Variants in BTLA observed in about 807,000 individuals in gnomAD.
BTLA encodes B and T lymphocyte associated.
BTLA carries 11 observed loss-of-function variants against 25.0 expected under a neutral mutation model. The ratio of observed to expected loss-of-function variants is 0.44; its 90% CI spans 0.28 to 0.73. BTLA has a LOEUF of 0.73. BTLA is among the 30% of genes least tolerant of loss of function. The pLI is 0.15. For synonymous variants in BTLA, 104 were observed against 119.8 expected, an observed-to-expected ratio of 0.87 and a Z score of 0.86; for missense variants, 282 against 332.8, an observed-to-expected ratio of 0.85 and a Z score of 1.19.
intron 1 of BTLA, among the ~76,000 whole-genome samples, chr3:112,486,377 TAATAA>T (rs1332631566): frequency 6.6e-6 from 1 of 152,184 alleles, no homozygotes; most frequent in Admixed American, 6.5e-5. Context: ...ATAAAACAAG[TAATAA>T]AATGGCCAGA....
intron 1 of BTLA, among the ~76,000 whole-genome samples, chr3:112,492,786 C>T (rs756581969): frequency 8.5e-5 from 13 of 152,158 alleles, no homozygotes; most frequent in Non-Finnish European, 1.0e-4. Flanking sequence ...AATCTCAATG[C>T]CCCAGCCTCC....
Position 112,479,561 on chromosome 3 carries a change from A to G in BTLA, c.297T>C (p.Ile99=). ...TAGGAAGCACTGGTTCAAAATGTAG[A>G]ATGAAAAATGAAATGTTCTTCTCTT... ...WKEEKNISFF[I]LHFEPVLPND... The change falls in exon 2 of 5, where the codon ATT becomes ATC. Residue 99 remains isoleucine, a synonymous_variant. Coordinates refer to ENST00000334529, the MANE Select transcript of BTLA (RefSeq NM_181780.4). 6.2e-7 allele frequency: 1 copy of G among 1,614,086 alleles called. No homozygotes were observed. Among genetic ancestry groups the G allele is most frequent in the Non-Finnish European group, 8.5e-7 (1 of 1,179,910 alleles).
At chr3:112,475,664 T>C (rs761969267) in intron 2 of BTLA, among the ~76,000 whole-genome samples, 9 of 152,212 alleles carry the variant, frequency 5.9e-5, no homozygotes, top group Admixed American at 2.0e-4. Flanking sequence ...CATCTGACCT[T>C]GGCTAAATTC....
At chr3:112,493,993 C>T (rs2082394459) in intron 1 of BTLA, among the ~76,000 whole-genome samples, 1 of 152,106 alleles carries the variant, frequency 6.6e-6, no homozygotes, top group Admixed American at 6.5e-5. Flanking sequence ...GCCTGTAGTC[C>T]CAGCTACTCG....
intron 1 of BTLA, among the ~76,000 whole-genome samples, chr3:112,480,044 T>C (rs1191055240): frequency 1.3e-5 from 2 of 152,250 alleles, no homozygotes; most frequent in Non-Finnish European, 2.9e-5. Context: ...TACATCCAGA[T>C]GGCCTGAAGC....
intron 1 of BTLA, among the ~76,000 whole-genome samples, chr3:112,497,744 T>A (rs1468956068): frequency 6.6e-6 from 1 of 152,158 alleles, no homozygotes. Context: ...CATCCTGGCA[T>A]CATAGAGACA....
At position 112,466,196 on chromosome 3, in the gene BTLA, T is replaced by C. The variant is rs1420732815; in HGVS notation, c.782A>G (p.Asn261Ser). The change falls in exon 5 of 5, where the codon AAC (asparagine) becomes AGC (serine). Residue 261 changes from asparagine to serine, a missense_variant. Asn to Ser is a conservative substitution (Grantham distance 46). Transcript: ENST00000334529. ...NKPGIVYASL[N>S]HSVIGPNSRL... ...TGAGTTCGGTCCAATGACAGAATGG[T>C]TCAGGGAAGCATAAACAATGCCTGG... 3 of 1,613,880 alleles carry C rather than the reference T, an allele frequency of 1.9e-6. No homozygotes were observed. The highest frequency in any genetic ancestry group is 2.5e-6 in the Non-Finnish European group (3 of 1,179,926).
intron 1 of BTLA, among the ~76,000 whole-genome samples, chr3:112,493,636 G>C (rs2082392363): frequency 6.6e-6 from 1 of 152,150 alleles, no homozygotes; most frequent in African/African-American, 2.4e-5. Flanking sequence ...CAAGTAGCTG[G>C]TCTTACAGGC....
Position 112,465,424 on chromosome 3 carries a change from C to G in BTLA, c.*684G>C, listed in dbSNP as rs779469401. The stretch of plus-strand genomic sequence containing the variant: ...CTACTTTCCTCATAAATGTGCTATA[C>G]GTTGACTGCTCCATTAATACCTATA... On this transcript the variant is annotated 3_prime_UTR_variant, in exon 5 of 5. Transcript: ENST00000334529. 6.6e-6 allele frequency: 1 copy of G among 152,620 alleles called. No individual in the cohort carries two copies. Among genetic ancestry groups the G allele is most frequent in the Non-Finnish European group, 1.5e-5 (1 of 68,040 alleles). 9.5% of individuals were successfully genotyped at this position (152,620 alleles called of 1,614,324 possible).
rs1208808540 is a variant in BTLA at position 112,471,494 on chromosome 3, A to G, written c.404-139T>C. On this transcript the variant is annotated intron_variant, in intron 2 of 4. Transcript: ENST00000334529. ...CATTTCCCCTTCAGAGGCATTCCTC[A>G]AGAATCCCAGTGCCCTCAGCCACCT... The G allele has an allele frequency of 4.3e-6, 4 of 941,068 alleles. No homozygotes were observed. The African/African-American group carries it at 6.7e-5, about 16-fold the overall frequency. 58.3% of individuals were successfully genotyped at this position (941,068 alleles called of 1,614,324 possible).
At chr3:112,479,376 T>A (rs1005248758) in intron 2 of BTLA, 79 bp downstream of exon 2, 1 of 1,378,874 alleles carries the variant, frequency 7.3e-7, no homozygotes, top group Non-Finnish European at 1.0e-6. Flanking sequence ...TCTAACATAA[T>A]CACTTGAGAA....
At chr3:112,471,180 G>A in intron 3 of BTLA, 32 bp downstream of exon 3, 2 of 1,603,722 alleles carry the variant, frequency 1.2e-6, no homozygotes, top group Non-Finnish European at 8.5e-7. Flanking sequence ...CCAAATGTGT[G>A]GTACTGGGGG....
intron 2 of BTLA, among the ~76,000 whole-genome samples, chr3:112,477,793 G>A (rs920031624): frequency 1.3e-5 from 2 of 151,910 alleles, no homozygotes; most frequent in Non-Finnish European, 2.9e-5. Context: ...TATTTTGATT[G>A]CTTAAAATAT....
intron 2 of BTLA, among the ~76,000 whole-genome samples, chr3:112,472,774 G>C (rs2107313265): frequency 6.6e-6 from 1 of 152,180 alleles, no homozygotes; most frequent in East Asian, 1.9e-4. Context: ...AAAATGATTA[G>C]AGGCAACTGA....
chr3:112,492,723 A>G (rs1185286602), intron 1 of BTLA, among the ~76,000 whole-genome samples: 2 of 152,216 alleles, frequency 1.3e-5, no homozygotes, highest in African/African-American at 4.8e-5. Context: ...ATTAATTCTC[A>G]TCTTCTAATA....
rs1309176876 is a variant in BTLA at position 112,465,117 on chromosome 3, T to G, written c.*991A>C. ...AACTAAAATATGTCACTACAGATGA[T>G]TTGCCCTGATTCCTTAGTAAGAAGA... On this transcript the variant is annotated 3_prime_UTR_variant, in exon 5 of 5. Coordinates refer to ENST00000334529, the MANE Select transcript of BTLA (RefSeq NM_181780.4). 1 of 152,360 alleles carries G rather than the reference T, an allele frequency of 6.6e-6. No homozygotes were observed. The highest frequency in any genetic ancestry group is 1.5e-5 in the Non-Finnish European group (1 of 68,030). 9.4% of individuals were successfully genotyped at this position (152,360 alleles called of 1,614,324 possible). A position where few individuals can be genotyped will look rare whatever the true frequency, so the allele number is the denominator to read the frequency against.
intron 4 of BTLA, among the ~76,000 whole-genome samples, chr3:112,468,623 C>T (rs1228651668): frequency 1.3e-5 from 2 of 152,112 alleles, no homozygotes. Flanking sequence ...GCTTAACCAA[C>T]CTGGGTTTTA....
At chr3:112,491,532 C>G (rs1292719156) in intron 1 of BTLA, among the ~76,000 whole-genome samples, 2 of 152,134 alleles carry the variant, frequency 1.3e-5, no homozygotes, top group African/African-American at 4.8e-5. Context: ...AGATCACCAG[C>G]TGGTAGGAGG....
chr3:112,491,460 T>C (rs2082379543), intron 1 of BTLA, among the ~76,000 whole-genome samples: 1 of 152,184 alleles, frequency 6.6e-6, no homozygotes, highest in African/African-American at 2.4e-5. Flanking sequence ...GAATTACTAT[T>C]ATGGCCTTTA....
Sources: allele counts gnomAD v4.1 joint callset (sites outside exome capture counted in the v4.1 genomes callset), GRCh38; gene constraint gnomAD v4.1.1; transcripts MANE v1.5; gene names NCBI Gene and HGNC (gene_info 2026-07-23, HGNC 2026-07-21).